INPP5A: variants seen among roughly 807,000 people sequenced by gnomAD.
INPP5A encodes inositol polyphosphate-5-phosphatase A.
INPP5A carries 14 observed loss-of-function variants against 65.2 expected under a neutral mutation model. That is an observed-to-expected ratio of 0.21 (90% confidence interval 0.14 to 0.34). The LOEUF is 0.34. Ranked by LOEUF, INPP5A falls within the 10% of genes least tolerant of loss-of-function variation. INPP5A has a pLI of 1.00. For missense variants in INPP5A, 431 were observed against 545.6 expected, an observed-to-expected ratio of 0.79 and a Z score of 2.09; for synonymous variants, 207 against 208.3, an observed-to-expected ratio of 0.99 and a Z score of 0.05.
chr10:132,630,183 G>T (rs527370283), intron 2 of INPP5A, among the ~76,000 whole-genome samples: 1 of 152,288 alleles, frequency 6.6e-6, no homozygotes, highest in East Asian at 1.9e-4. Context: ...CGTCCATGAG[G>T]GTAAGGTGTC....
At chr10:132,709,488 G>A (rs1427077801) in intron 7 of INPP5A, among the ~76,000 whole-genome samples, 1 of 152,112 alleles carries the variant, frequency 6.6e-6, no homozygotes, top group Non-Finnish European at 1.5e-5. Context: ...ACCCCAGGCA[G>A]TGCAGGCTGC....
intron 5 of INPP5A, among the ~76,000 whole-genome samples, chr10:132,693,273 G>A (rs995721417): frequency 6.6e-6 from 1 of 152,020 alleles, no homozygotes; most frequent in African/African-American, 2.4e-5. Flanking sequence ...AAAGAACAAA[G>A]GCAACAAATA....
intron 1 of INPP5A, among the ~76,000 whole-genome samples, chr10:132,562,499 G>C (rs2071219281): frequency 1.3e-5 from 2 of 152,258 alleles, no homozygotes; most frequent in Admixed American, 1.3e-4. Flanking sequence ...GCGAGGTGCA[G>C]CCTCGGCTCC....
chr10:132,695,968 G>A lies in INPP5A; in HGVS notation c.371-1848G>A, dbSNP rs146964776. Among the ~76,000 whole-genome samples, 281 of 152,230 alleles carry A rather than the reference G, an allele frequency of 1.8e-3. 2 individuals carry two copies. The highest frequency in any genetic ancestry group is 6.4e-3 in the African/African-American group (264 of 41,518). The stretch of plus-strand genomic sequence containing the variant: ...CCCTAAGGTGATGGTGTTAAGAGGC[G>A]GGGCCTTGGGAGGCTGATTAGAATG... On this transcript the variant is annotated intron_variant, in intron 5 of 15. Coordinates refer to ENST00000368594, the MANE Select transcript of INPP5A (RefSeq NM_005539.5).
chr10:132,757,858 C>A (rs1002675144), intron 11 of INPP5A, among the ~76,000 whole-genome samples: 1 of 149,740 alleles, frequency 6.7e-6, no homozygotes, highest in Non-Finnish European at 1.5e-5. Context: ...CCTGGCTGAC[C>A]CCACAACACA....
At chr10:132,777,273 C>T (rs532961447) in intron 12 of INPP5A, among the ~76,000 whole-genome samples, 3 of 152,320 alleles carry the variant, frequency 2.0e-5, no homozygotes, top group South Asian at 2.1e-4. Flanking sequence ...ACAGGCGTTT[C>T]GAGCTGATCC....
intron 1 of INPP5A, among the ~76,000 whole-genome samples, chr10:132,583,857 G>A (rs961550388): frequency 3.9e-5 from 6 of 152,130 alleles, no homozygotes; most frequent in African/African-American, 7.2e-5. Flanking sequence ...CAAGGGGGGC[G>A]GATAGCTTGA....
chr10:132,781,949 G>A lies in INPP5A; in HGVS notation c.*7+1G>A. On this transcript the variant is annotated splice_donor_variant, in intron 15 of 15. Transcript: ENST00000368594. LOFTEE classifies it low-confidence loss of function (3UTR_SPLICE). ...TGTTGTGTCGTGCAGTGACGTGGTG[G>A]TAAATATGACTCCTCCCTCCAGTTC... 6.2e-7 allele frequency: 1 copy of A among 1,613,530 alleles called. No individual in the cohort carries two copies. The highest frequency in any genetic ancestry group is 8.5e-7 in the Non-Finnish European group (1 of 1,179,716).
Position 132,781,927 on chromosome 10 carries a change from TGTGTC to T in INPP5A, c.1229_1233del (p.Val410AlafsTer17). The T allele has an allele frequency of 6.2e-7, 1 of 1,613,822 alleles. No homozygotes were observed. Among genetic ancestry groups the T allele is most frequent in the African/African-American group, 1.3e-5 (1 of 75,062 alleles). The stretch of plus-strand genomic sequence containing the variant: ...ACCTCATGCCCATGTGCACAAGTGT[TGTGTC>T]GTGCAGTGACGTGGTGGTAAATATG... On this transcript the variant is annotated frameshift_variant, in exon 15 of 16. Coordinates refer to ENST00000368594, the MANE Select transcript of INPP5A (RefSeq NM_005539.5). LOFTEE classifies it high-confidence loss of function.
intron 13 of INPP5A, 127 bp from the exon 14 acceptor site, chr10:132,780,722 T>C: frequency 1.3e-6 from 1 of 775,874 alleles, no homozygotes; most frequent in Non-Finnish European, 2.2e-6. Context: ...GCTGGGGAGG[T>C]ACTGGCAGGG....
Position 132,617,304 on chromosome 10 carries a change from C to T in INPP5A, c.117+9348C>T, listed in dbSNP as rs546649818. Among the ~76,000 whole-genome samples, 166 of 152,284 alleles carry T rather than the reference C, an allele frequency of 1.1e-3. 3 individuals carry two copies. Among genetic ancestry groups the T allele is most frequent in the Middle Eastern group, 3.4e-3 (1 of 294 alleles). ...AGCTCCTGTGCAGTGTGGCTTGGGG[C>T]AAAGCCACCCTGTGGCTCTCTCAGG... On this transcript the variant is annotated intron_variant, in intron 2 of 15. Transcript: ENST00000368594.
intron 1 of INPP5A, among the ~76,000 whole-genome samples, chr10:132,583,612 A>C (rs2071512651): frequency 6.6e-6 from 1 of 152,018 alleles, no homozygotes; most frequent in South Asian, 2.1e-4. Context: ...TACTCTGCTG[A>C]GCGTTTTCGC....
intron 8 of INPP5A, among the ~76,000 whole-genome samples, chr10:132,717,858 T>C (rs1214175422): frequency 2.7e-5 from 4 of 145,486 alleles, no homozygotes; most frequent in South Asian, 2.2e-4. Flanking sequence ...GGTTCTGTGG[T>C]ACCTGGGTTC....
chr10:132,783,170 T>G lies in INPP5A; in HGVS notation c.*1141T>G, dbSNP rs1847197824. 1 of 152,450 alleles carries G rather than the reference T, an allele frequency of 6.6e-6. No individual in the cohort carries two copies. The highest frequency in any genetic ancestry group is 2.1e-4 in the South Asian group (1 of 4,826). The allele number at this position is 152,450 out of a possible 1,614,324, so 9.4% of individuals were successfully genotyped here. Reference sequence around the variant, plus strand: ...AGTAAGTACAGCATTAGAAGGTGATTAGAGAGTCTGTTGATGAAACACAAA... The same window carrying G: ...AGTAAGTACAGCATTAGAAGGTGATGAGAGAGTCTGTTGATGAAACACAAA... On this transcript the variant is annotated 3_prime_UTR_variant, in exon 16 of 16. Transcript: ENST00000368594.
intron 1 of INPP5A, among the ~76,000 whole-genome samples, chr10:132,561,724 A>C (rs1173140696): frequency 8.4e-6 from 1 of 118,468 alleles, no homozygotes; most frequent in South Asian, 2.6e-4. Flanking sequence ...GTCAATTTCC[A>C]CACACACACA....
At chr10:132,658,792 C>T (rs917611582) in intron 4 of INPP5A, among the ~76,000 whole-genome samples, 4 of 152,080 alleles carry the variant, frequency 2.6e-5, no homozygotes, top group African/African-American at 7.2e-5. Flanking sequence ...CCAAGACCAC[C>T]GAGACTGCTG....
chr10:132,709,684 G>C (rs995416996), intron 7 of INPP5A, among the ~76,000 whole-genome samples: 2 of 152,240 alleles, frequency 1.3e-5, no homozygotes, highest in Admixed American at 1.3e-4. Context: ...AGGTCTTGGA[G>C]CCTGTGGAGG....
chr10:132,602,577 G>A (rs1314387601), intron 1 of INPP5A, among the ~76,000 whole-genome samples: 2 of 152,206 alleles, frequency 1.3e-5, no homozygotes, highest in East Asian at 1.9e-4. Context: ...TTGCAGGTAT[G>A]AGCCACTGCG....
At chr10:132,760,146 C>T (rs1846705839) in intron 11 of INPP5A, among the ~76,000 whole-genome samples, 1 of 152,220 alleles carries the variant, frequency 6.6e-6, no homozygotes, top group South Asian at 2.1e-4. Flanking sequence ...TGCTCACATG[C>T]CCAGCCTCTC....
Sources: gnomAD v4.1 joint callset for allele counts (sites outside exome capture counted in the v4.1 genomes callset) on GRCh38, gnomAD v4.1.1 for gene constraint, MANE v1.5 for transcripts, NCBI Gene and HGNC (gene_info 2026-07-23, HGNC 2026-07-21) for gene names.